PCDH9: variants seen among roughly 807,000 people sequenced by gnomAD.
The protein encoded by PCDH9 is protocadherin-9.
In PCDH9, 24 loss-of-function variants were observed where a neutral mutation model predicts 70.6. The ratio of observed to expected loss-of-function variants is 0.34; its 90% CI spans 0.25 to 0.48. The LOEUF is 0.48. PCDH9 is among the 20% of genes least tolerant of loss of function. The probability of loss-of-function intolerance (pLI) is 0.99; values close to 1 mark genes in which losing one functional copy is unlikely to be tolerated. For synonymous variants in PCDH9, 562 were observed against 558.5 expected (o/e 1.01, Z -0.09); for missense variants, 1,281 against 1,503.6 (o/e 0.85, Z 2.45).
chr13:66,629,133 A>C (rs956374064), intron 4 of PCDH9, among the ~76,000 whole-genome samples: 3 of 152,244 alleles, frequency 2.0e-5, no homozygotes, highest in African/African-American at 7.2e-5. Flanking sequence ...TCTTAATCTT[A>C]TTCATTGTAA....
At chr13:67,066,523 C>A (rs1365192741) in intron 2 of PCDH9, among the ~76,000 whole-genome samples, 1 of 152,104 alleles carries the variant, frequency 6.6e-6, no homozygotes, top group Non-Finnish European at 1.5e-5. Flanking sequence ...AGTGAGCCAC[C>A]GCACCCGGCC....
chr13:66,560,525 G>T (rs1459758657), intron 4 of PCDH9, among the ~76,000 whole-genome samples: 1 of 152,114 alleles, frequency 6.6e-6, no homozygotes, highest in Non-Finnish European at 1.5e-5. Flanking sequence ...GTCGTGCATT[G>T]GTCTCTTCCC....
intron 2 of PCDH9, among the ~76,000 whole-genome samples, chr13:67,065,317 T>C (rs1057332149): frequency 7.9e-5 from 12 of 152,146 alleles, no homozygotes; most frequent in African/African-American, 2.9e-4. Context: ...AAAGTGTTAT[T>C]TTATTAGTCT....
intron 2 of PCDH9, among the ~76,000 whole-genome samples, chr13:66,939,158 A>G (rs1594287270): frequency 6.6e-6 from 1 of 152,104 alleles, no homozygotes; most frequent in African/African-American, 2.4e-5. Flanking sequence ...TCTATACTGT[A>G]TAAGATTCCA....
chr13:66,845,031 CTCG>C lies in PCDH9; in HGVS notation c.3138+58470_3138+58472del, dbSNP rs1253792345. Among the ~76,000 whole-genome samples the C allele has an allele frequency of 3.3e-5, 5 of 152,192 alleles. No individual in the cohort carries two copies. In the East Asian group the frequency reaches 9.7e-4, roughly 30 times the overall value. On this transcript the variant is annotated intron_variant, in intron 3 of 4. Coordinates refer to ENST00000377865, the MANE Select transcript of PCDH9 (RefSeq NM_203487.3). ...TTCAGAGGGGAAAAGTGTATGCTGA[CTCG>C]TCCATAGGCAGCCATGGGTGGGCCT...
At chr13:66,936,534 A>G (rs962468175) in intron 2 of PCDH9, among the ~76,000 whole-genome samples, 1 of 152,210 alleles carries the variant, frequency 6.6e-6, no homozygotes, top group Non-Finnish European at 1.5e-5. Flanking sequence ...AGAAATACAG[A>G]CAACAGTATA....
At chr13:67,062,579 C>T (rs991458557) in intron 2 of PCDH9, among the ~76,000 whole-genome samples, 3 of 152,150 alleles carry the variant, frequency 2.0e-5, no homozygotes, top group African/African-American at 7.2e-5. Context: ...AAAAGAGAAT[C>T]ATCAGGAACT....
chr13:66,364,588 C>A (rs373654068), intron 4 of PCDH9, among the ~76,000 whole-genome samples: 4 of 152,256 alleles, frequency 2.6e-5, no homozygotes, highest in South Asian at 4.2e-4. Flanking sequence ...AGGGATATCT[C>A]CTTTCTACCC....
At chr13:66,830,707 G>A (rs2080910442) in intron 3 of PCDH9, among the ~76,000 whole-genome samples, 1 of 151,888 alleles carries the variant, frequency 6.6e-6, no homozygotes, top group South Asian at 2.1e-4. Context: ...TTTAACCATG[G>A]CCAACAAATA....
intron 3 of PCDH9, among the ~76,000 whole-genome samples, chr13:66,739,047 A>C (rs1445716129): frequency 4.2e-5 from 5 of 120,434 alleles, no homozygotes; most frequent in African/African-American, 1.5e-4. Flanking sequence ...TGTCAGATTC[A>C]CCAAAGTTGA....
At chr13:66,746,486 G>A (rs1373660826) in intron 3 of PCDH9, among the ~76,000 whole-genome samples, 1 of 151,988 alleles carries the variant, frequency 6.6e-6, no homozygotes, top group East Asian at 1.9e-4. Flanking sequence ...TAACCAGACA[G>A]AGAACTACAA....
chr13:66,621,415 C>A (rs1490248469), intron 4 of PCDH9, among the ~76,000 whole-genome samples: 2 of 152,136 alleles, frequency 1.3e-5, no homozygotes, highest in African/African-American at 4.8e-5. Flanking sequence ...GAAAAGTGAC[C>A]AAATAGTCCC....
chr13:66,895,241 G>A (rs2082158167), intron 3 of PCDH9, among the ~76,000 whole-genome samples: 3 of 152,052 alleles, frequency 2.0e-5, no homozygotes, highest in Admixed American at 2.0e-4. Flanking sequence ...TCTAACCATA[G>A]GTACTTTCCA....
At chr13:67,176,964 T>C (rs2088478353) in intron 2 of PCDH9, among the ~76,000 whole-genome samples, 1 of 152,118 alleles carries the variant, frequency 6.6e-6, no homozygotes, top group Non-Finnish European at 1.5e-5. Flanking sequence ...CGTTACTAAA[T>C]GTGTGATCTC....
At chr13:66,527,720 T>C (rs963516593) in intron 4 of PCDH9, among the ~76,000 whole-genome samples, 3 of 152,078 alleles carry the variant, frequency 2.0e-5, no homozygotes, top group Non-Finnish European at 4.4e-5. Context: ...AGGTCATTTA[T>C]TAAAGATAAA....
chr13:66,542,661 AAT>A (rs1258153603), intron 4 of PCDH9, among the ~76,000 whole-genome samples: 2 of 139,732 alleles, frequency 1.4e-5, no homozygotes, highest in Admixed American at 7.9e-5. Context: ...ATTAAAGTCA[AAT>A]ATATATATAT....
At chr13:66,832,477 A>T (rs1202536472) in intron 3 of PCDH9, among the ~76,000 whole-genome samples, 1 of 152,106 alleles carries the variant, frequency 6.6e-6, no homozygotes, top group Non-Finnish European at 1.5e-5. Flanking sequence ...ATCTCTACAA[A>T]ATATGAATAT....
At chr13:66,701,078 A>C (rs2078640496) in intron 3 of PCDH9, among the ~76,000 whole-genome samples, 1 of 150,712 alleles carries the variant, frequency 6.6e-6, no homozygotes, top group South Asian at 2.1e-4. Flanking sequence ...TCTGGAATGA[A>C]CAAATATAAA....
chr13:66,337,959 A>T (rs1391124556), intron 4 of PCDH9, among the ~76,000 whole-genome samples: 1 of 152,122 alleles, frequency 6.6e-6, no homozygotes, highest in African/African-American at 2.4e-5. Context: ...GATAAAGGGA[A>T]TGCCCACAAT....
Sources: allele counts gnomAD v4.1 joint callset (sites outside exome capture counted in the v4.1 genomes callset), GRCh38; gene constraint gnomAD v4.1.1; transcripts MANE v1.5; gene names NCBI Gene and HGNC (gene_info 2026-07-23, HGNC 2026-07-21).